CPNE4: variants seen among roughly 807,000 people sequenced by gnomAD.
CPNE4 encodes copine 4.
Under a neutral mutation model 67.9 loss-of-function variants are expected in CPNE4, and 25 were observed. The ratio of observed to expected loss-of-function variants is 0.37; its 90% CI spans 0.27 to 0.51. The LOEUF (loss-of-function observed/expected upper bound fraction) is 0.51. Ranked by LOEUF, CPNE4 falls within the 20% of genes least tolerant of loss-of-function variation. The pLI is 0.93. For synonymous variants in CPNE4, 242 were observed against 244.9 expected (o/e 0.99, Z 0.11); for missense variants, 464 against 690.8 (o/e 0.67, Z 3.68).
chr3:131,978,506 A>T (rs868646294), intron 1 of CPNE4, among the ~76,000 whole-genome samples: 13 of 76,646 alleles, frequency 1.7e-4, no homozygotes, highest in Non-Finnish European at 2.2e-4. Flanking sequence ...TTATATATTT[A>T]TATATATTTA....
chr3:131,701,386 C>T (rs945578346), intron 3 of CPNE4, among the ~76,000 whole-genome samples: 18 of 152,146 alleles, frequency 1.2e-4, no homozygotes, highest in Non-Finnish European at 2.9e-5. Context: ...AATATTCTCC[C>T]CTCAAGTGTG....
At chr3:132,001,223 A>G (rs569627963) in intron 1 of CPNE4, among the ~76,000 whole-genome samples, 98 of 152,166 alleles carry the variant, frequency 6.4e-4, no homozygotes, top group African/African-American at 2.1e-3. Context: ...GCTAGAGAAC[A>G]GAAGGTCAGC....
At chr3:131,748,920 C>T (rs1443129247) in intron 2 of CPNE4, among the ~76,000 whole-genome samples, 1 of 151,604 alleles carries the variant, frequency 6.6e-6, no homozygotes, top group Non-Finnish European at 1.5e-5. Context: ...TTCTTTGCCT[C>T]ACTGACTTTC....
chr3:131,763,682 T>A (rs922459527), intron 2 of CPNE4, among the ~76,000 whole-genome samples: 1 of 152,092 alleles, frequency 6.6e-6, no homozygotes, highest in African/African-American at 2.4e-5. Context: ...GTTGCTAACA[T>A]CAAGGAATAA....
intron 1 of CPNE4, among the ~76,000 whole-genome samples, chr3:131,951,566 C>T (rs1271975885): frequency 3.4e-5 from 5 of 148,620 alleles, no homozygotes; most frequent in African/African-American, 5.2e-5. Flanking sequence ...CCTCTCTTTC[C>T]ACGGTCTCCC....
chr3:131,863,338 G>C (rs1162226467), intron 2 of CPNE4, among the ~76,000 whole-genome samples: 6 of 152,082 alleles, frequency 3.9e-5, no homozygotes, highest in Admixed American at 3.3e-4. Context: ...GTGTAAAAGT[G>C]TTCCTATTTC....
intron 7 of CPNE4, among the ~76,000 whole-genome samples, chr3:131,601,599 C>T (rs935080340): frequency 3.9e-5 from 6 of 152,076 alleles, no homozygotes; most frequent in Non-Finnish European, 2.9e-5. Context: ...TAATACCAGA[C>T]CCTCTTCTAA....
intron 1 of CPNE4, among the ~76,000 whole-genome samples, chr3:131,906,213 T>C (rs1583434164): frequency 8.0e-6 from 1 of 124,440 alleles, no homozygotes. Flanking sequence ...TTTTTTTTTG[T>C]TGTTGTTGTT....
intron 2 of CPNE4, among the ~76,000 whole-genome samples, chr3:131,768,638 C>A (rs140108219): frequency 6.6e-6 from 1 of 152,142 alleles, no homozygotes; most frequent in African/African-American, 2.4e-5. Context: ...GGGAATGGCT[C>A]CCTCTGATCA....
intron 13 of CPNE4, among the ~76,000 whole-genome samples, chr3:131,551,198 G>A (rs34631525): frequency 0.19 from 28,345 of 151,988 alleles, 2,852 homozygotes; most frequent in African/African-American, 0.27. Flanking sequence ...GTTCTGTTCT[G>A]TTCTGCCCTT....
chr3:132,003,962 G>A (rs890412961), intron 1 of CPNE4, among the ~76,000 whole-genome samples: 1 of 151,952 alleles, frequency 6.6e-6, no homozygotes, highest in African/African-American at 2.4e-5. Flanking sequence ...AGAGTAGAAG[G>A]GGAGAGCAAT....
chr3:131,848,765 A>T (rs1431545894), intron 2 of CPNE4, among the ~76,000 whole-genome samples: 2 of 151,862 alleles, frequency 1.3e-5, no homozygotes, highest in Non-Finnish European at 2.9e-5. Context: ...AATCACTCCA[A>T]ATTGCCCAAG....
At chr3:131,539,896 C>A (rs1357357668) in intron 15 of CPNE4, among the ~76,000 whole-genome samples, 1 of 152,132 alleles carries the variant, frequency 6.6e-6, no homozygotes, top group Non-Finnish European at 1.5e-5. Flanking sequence ...ATCTTAGACA[C>A]CTAGGGAGAA....
chr3:131,907,016 A>G (rs2107780148), intron 1 of CPNE4, among the ~76,000 whole-genome samples: 1 of 152,238 alleles, frequency 6.6e-6, no homozygotes, highest in East Asian at 1.9e-4. Context: ...ACAAGAAAAA[A>G]ACAAACAACC....
chr3:131,991,887 C>T (rs993227354), intron 1 of CPNE4, among the ~76,000 whole-genome samples: 19 of 136,304 alleles, frequency 1.4e-4, no homozygotes, highest in African/African-American at 4.7e-4. Context: ...AGGTACAGGT[C>T]AGGCTGTGGC....
At chr3:131,707,182 T>G (rs997379311) in intron 3 of CPNE4, among the ~76,000 whole-genome samples, 13 of 152,180 alleles carry the variant, frequency 8.5e-5, no homozygotes, top group African/African-American at 2.9e-4. Flanking sequence ...ACAACAGAAA[T>G]GTGCTCATGG....
chr3:131,789,430 G>C (rs1456989355), intron 2 of CPNE4, among the ~76,000 whole-genome samples: 1 of 152,190 alleles, frequency 6.6e-6, no homozygotes, highest in African/African-American at 2.4e-5. Flanking sequence ...TTGGGAGCTA[G>C]ACTGCCTTGG....
At chr3:131,589,427 C>T (rs1300227431) in intron 7 of CPNE4, among the ~76,000 whole-genome samples, 4 of 152,330 alleles carry the variant, frequency 2.6e-5, no homozygotes, top group Admixed American at 6.5e-5. Context: ...GTTATAACAC[C>T]TTCTTCCACC....
intron 6 of CPNE4, among the ~76,000 whole-genome samples, chr3:131,684,518 C>T (rs77351310): frequency 0.018 from 2,689 of 152,194 alleles, 90 homozygotes; most frequent in African/African-American, 0.062. Flanking sequence ...CCACAGCTAG[C>T]CCATCCAAGG....
Sources: gnomAD v4.1 joint callset for allele counts (sites outside exome capture counted in the v4.1 genomes callset) on GRCh38, gnomAD v4.1.1 for gene constraint, MANE v1.5 for transcripts, NCBI Gene and HGNC (gene_info 2026-07-23, HGNC 2026-07-21) for gene names.